CEP152: variants seen among roughly 807,000 people sequenced by gnomAD.
CEP152 encodes the protein centrosomal protein of 152 kDa.
CEP152 carries 132 observed loss-of-function variants against 188.9 expected under a neutral mutation model. The observed-to-expected ratio is 0.70, with a 90% CI of 0.61 to 0.81. The LOEUF (loss-of-function observed/expected upper bound fraction) is 0.81, where lower values mean the gene tolerates loss of function less well. Ranked by LOEUF, CEP152 falls within the 30% of genes least tolerant of loss-of-function variation. The pLI is 0.00. For synonymous variants in CEP152, 649 were observed against 666.6 expected (o/e 0.97, Z 0.41); for missense variants, 1,914 against 1,969.8 (o/e 0.97, Z 0.54).
At chr15:48,772,782 G>T in intron 12 of CEP152, 91 bp from the exon 13 acceptor site, 1 of 1,074,508 alleles carries the variant, frequency 9.3e-7, no homozygotes, top group Non-Finnish European at 1.4e-6. Flanking sequence ...TGGTGAACAT[G>T]TTTTGTCACC....
chr15:48,795,946 C>T (rs1455865497), intron 6 of CEP152, 64 bp downstream of exon 6: 1 of 1,375,308 alleles, frequency 7.3e-7, no homozygotes, highest in Non-Finnish European at 1.0e-6. Context: ...CTCAAATATT[C>T]ATTGTGTATT....
intron 12 of CEP152, among the ~76,000 whole-genome samples, chr15:48,774,228 A>G (rs982124296): frequency 2.6e-5 from 4 of 152,180 alleles, no homozygotes; most frequent in African/African-American, 4.8e-5. Context: ...TAAAACAGAA[A>G]TACACAGAAC....
intron 8 of CEP152, chr15:48,789,292 C>T (rs531493002): frequency 1.1e-5 from 5 of 453,374 alleles, no homozygotes; most frequent in Admixed American, 1.0e-4. Flanking sequence ...CTATCAGGCA[C>T]GGAATCTGCT....
In CEP152 at chr15:48,773,849, G is replaced by A. The variant is rs183074460; in HGVS notation, c.1578-1158C>T. On this transcript the variant is annotated intron_variant, in intron 12 of 26. Transcript: ENST00000380950. ...TATTTTTAAAAATACAGTAATATCT[G>A]GCATCCAAAACAAAATTCAAAATGT... Among the ~76,000 whole-genome samples the A allele has an allele frequency of 2.4e-3, 358 of 152,084 alleles. 2 individuals are homozygous for A. The highest frequency in any genetic ancestry group is 4.3e-3 in the Non-Finnish European group (294 of 67,992).
chr15:48,787,186 G>GTTTTTTTTTTTTA (rs1444526843), intron 9 of CEP152, among the ~76,000 whole-genome samples: 1 of 16,018 alleles, frequency 6.2e-5, no homozygotes, highest in Admixed American at 5.6e-4. Context: ...TTTTTTTCTG[G>GTTTTTTTTTTTTA]AAAAAGAGTC....
intron 13 of CEP152, 66 bp from the exon 14 acceptor site, chr15:48,769,147 TC>T: frequency 7.4e-7 from 1 of 1,349,050 alleles, no homozygotes; most frequent in Non-Finnish European, 1.0e-6. Flanking sequence ...TTGAAATACT[TC>T]CATACTTTAA....
chr15:48,788,356 C>T (rs1176262457), intron 9 of CEP152, among the ~76,000 whole-genome samples: 1 of 107,948 alleles, frequency 9.3e-6, no homozygotes, highest in Non-Finnish European at 1.7e-5. Context: ...TTTGGGGAGA[C>T]GGAGTCTCGC....
chr15:48,785,792 G>C (rs1896584074), intron 9 of CEP152, among the ~76,000 whole-genome samples: 1 of 151,974 alleles, frequency 6.6e-6, no homozygotes, highest in Non-Finnish European at 1.5e-5. Flanking sequence ...GCCATGATTA[G>C]CTTGAGTAGT....
At chr15:48,776,649 A>T (rs931885084) in intron 12 of CEP152, among the ~76,000 whole-genome samples, 6 of 152,180 alleles carry the variant, frequency 3.9e-5, no homozygotes, top group Non-Finnish European at 5.9e-5. Flanking sequence ...ATAGTCACTA[A>T]AAGTAATCTA....
Position 48,772,627 on chromosome 15 carries a change from C to T in CEP152, c.1642G>A (p.Ala548Thr). ...SKDEFILKLK[A>T]EVQRLLGSNS... ...CTACCCAGCAAACGCTGTACTTCTG[C>T]CTTTAACTTCAGAATGAACTCATCT... is the stretch of plus-strand genomic sequence containing the variant. Residue 548 changes from alanine (A) to threonine (T), a missense_variant, in exon 13 of 27, where the codon GCA becomes ACA. Transcript: ENST00000380950. The T allele has an allele frequency of 6.2e-7, 1 of 1,614,028 alleles. No homozygotes were observed. Among genetic ancestry groups the T allele is most frequent in the Non-Finnish European group, 8.5e-7 (1 of 1,180,008 alleles).
Position 48,752,434 on chromosome 15 carries a change from G to A in CEP152, c.3381C>T (p.Ser1127=). 1 of 1,613,812 alleles carries A rather than the reference G, an allele frequency of 6.2e-7. No individual in the cohort carries two copies. The highest frequency in any genetic ancestry group is 1.1e-5 in the South Asian group (1 of 91,074). The change falls in exon 21 of 27, where the codon AGC becomes AGT. Residue 1127 remains serine, a synonymous_variant. Transcript: ENST00000380950. ...NMAELSKDSA[S]QGTGQGDPGP... The stretch of plus-strand genomic sequence containing the variant: ...CAGGGTCTCCTTGGCCAGTGCCCTG[G>A]CTGGCAGAATCCTTAGAGAGCTCGG...
chr15:48,771,377 C>T (rs957358659), intron 13 of CEP152, among the ~76,000 whole-genome samples: 4 of 152,294 alleles, frequency 2.6e-5, no homozygotes, highest in Middle Eastern at 3.4e-3. Flanking sequence ...CATAGTACCA[C>T]GACCACTATA....
intron 22 of CEP152, among the ~76,000 whole-genome samples, chr15:48,746,818 G>GTATA (rs1421229199): frequency 6.6e-6 from 1 of 152,178 alleles, no homozygotes; most frequent in East Asian, 1.9e-4. Context: ...TATGGGGAGT[G>GTATA]TATAACAGGA....
intron 2 of CEP152, among the ~76,000 whole-genome samples, chr15:48,799,332 A>G (rs1301069240): frequency 6.6e-6 from 1 of 152,200 alleles, no homozygotes; most frequent in Non-Finnish European, 1.5e-5. Flanking sequence ...AAATAAATAT[A>G]TTTTATGGAA....
intron 9 of CEP152, among the ~76,000 whole-genome samples, chr15:48,786,769 G>A (rs17465874): frequency 0.085 from 12,913 of 152,190 alleles, 586 homozygotes; most frequent in East Asian, 0.12. Context: ...GGATTCCGGG[G>A]TCTGAAACCC....
At chr15:48,801,208 C>T (rs1897647399) in intron 2 of CEP152, among the ~76,000 whole-genome samples, 1 of 152,174 alleles carries the variant, frequency 6.6e-6, no homozygotes, top group Admixed American at 6.5e-5. Flanking sequence ...TTAAATAATG[C>T]TTTCATGGAT....
rs1303900469 is a variant in CEP152, at chr15:48,783,771, GTATGTATATATATATA to G, written c.1321+186_1321+201del. On this transcript the variant is annotated intron_variant, in intron 10 of 26. Transcript: ENST00000380950. ...TTTATATATTTTTTTATATATGTGT[GTATGTATATATATATA>G]TATGTATATATATATATATGCCTTC... 1.2e-4 allele frequency: 20 copies of G among 170,630 alleles called. No homozygotes were observed. In the East Asian group the frequency reaches 1.5e-3, roughly 13 times the overall value. 10.6% of individuals were successfully genotyped at this position (170,630 alleles called of 1,614,324 possible).
intron 17 of CEP152, 107 bp from the exon 18 acceptor site, chr15:48,762,779 T>G: frequency 9.5e-7 from 1 of 1,057,282 alleles, no homozygotes; most frequent in Non-Finnish European, 1.4e-6. Context: ...GAAAACCATC[T>G]AGATATTGTT....
intron 2 of CEP152, chr15:48,729,806 T>C (rs1892361863): frequency 1.3e-5 from 2 of 151,902 alleles, no homozygotes; most frequent in Non-Finnish European, 2.9e-5. Context: ...AAGTAAACAA[T>C]TGGTAAATCT....
Sources: allele counts gnomAD v4.1 joint callset (sites outside exome capture counted in the v4.1 genomes callset), GRCh38; gene constraint gnomAD v4.1.1; transcripts MANE v1.5; gene names NCBI Gene and HGNC (gene_info 2026-07-23, HGNC 2026-07-21).